FSD1L: variants seen among roughly 807,000 people sequenced by gnomAD.
FSD1L encodes fibronectin type III and SPRY domain containing 1 like.
Under a neutral mutation model 71.6 loss-of-function variants are expected in FSD1L, and 45 were observed. The ratio of observed to expected loss-of-function variants is 0.63; its 90% CI spans 0.49 to 0.81. FSD1L has a LOEUF of 0.81. Ranked by LOEUF, FSD1L falls within the 30% of genes least tolerant of loss-of-function variation. The probability of loss-of-function intolerance (pLI) is 0.00; values close to 1 mark genes in which losing one functional copy is unlikely to be tolerated. For missense variants in FSD1L, 561 were observed against 618.1 expected (o/e 0.91, Z 0.98); for synonymous variants, 197 against 207.2 (o/e 0.95, Z 0.42).
intron 1 of FSD1L, among the ~76,000 whole-genome samples, chr9:105,448,510 T>G (rs2131548092): frequency 6.6e-6 from 1 of 152,334 alleles, no homozygotes; most frequent in South Asian, 2.1e-4. Flanking sequence ...GCCATCCCCC[T>G]TTTAAAATCA....
At chr9:105,486,993 A>G (rs559274073) in intron 7 of FSD1L, among the ~76,000 whole-genome samples, 7 of 152,128 alleles carry the variant, frequency 4.6e-5, no homozygotes, top group African/African-American at 1.4e-4. Flanking sequence ...ATGTGATTAA[A>G]CCTAACATAT....
At chr9:105,446,142 T>A (rs1046278664), upstream of FSD1L, among the ~76,000 whole-genome samples, 1 of 151,980 alleles carries the variant, frequency 6.6e-6, no homozygotes, top group East Asian at 1.9e-4. Flanking sequence ...GGGATCCATG[T>A]GGAGATGTAA....
chr9:105,473,939 G>A (rs1831632230), intron 5 of FSD1L, among the ~76,000 whole-genome samples: 1 of 152,130 alleles, frequency 6.6e-6, no homozygotes, highest in Non-Finnish European at 1.5e-5. Context: ...GGTTTAATAT[G>A]CCACTTCGCT....
intron 11 of FSD1L, 143 bp from the exon 12 acceptor site, chr9:105,534,924 T>C: frequency 2.7e-6 from 2 of 741,576 alleles, no homozygotes; most frequent in East Asian, 2.7e-5. Flanking sequence ...CAGCATTTAA[T>C]GTCTGTGTGT....
At chr9:105,489,377 A>C (rs1832768617) in intron 7 of FSD1L, among the ~76,000 whole-genome samples, 1 of 152,202 alleles carries the variant, frequency 6.6e-6, no homozygotes, top group East Asian at 1.9e-4. Context: ...CAGCATGCAT[A>C]TCTCAAATAA....
At chr9:105,455,298 G>T (rs1160423500) in intron 1 of FSD1L, among the ~76,000 whole-genome samples, 1 of 152,090 alleles carries the variant, frequency 6.6e-6, no homozygotes, top group Admixed American at 6.5e-5. Context: ...TCTCTCCCTT[G>T]TATGTAATCC....
chr9:105,534,458 A>G (rs1469957664), intron 10 of FSD1L, 35 bp from the exon 11 acceptor site: 5 of 1,139,424 alleles, frequency 4.4e-6, no homozygotes, highest in East Asian at 2.6e-5. Context: ...ACAGTATAAA[A>G]TATTTGTTTT....
At chr9:105,506,858 G>A (rs1039288188) in intron 8 of FSD1L, among the ~76,000 whole-genome samples, 1 of 150,660 alleles carries the variant, frequency 6.6e-6, no homozygotes, top group Admixed American at 6.6e-5. Flanking sequence ...TGCAACCTCC[G>A]CCTCCTGGGT....
At chr9:105,464,919 G>T (rs1376311733) in intron 3 of FSD1L, among the ~76,000 whole-genome samples, 5 of 152,198 alleles carry the variant, frequency 3.3e-5, no homozygotes, top group African/African-American at 9.7e-5. Flanking sequence ...CGTCGAGGCT[G>T]CAGTGAGCAT....
intron 5 of FSD1L, among the ~76,000 whole-genome samples, chr9:105,474,183 C>G (rs1180819437): frequency 6.6e-6 from 1 of 152,196 alleles, no homozygotes; most frequent in Non-Finnish European, 1.5e-5. Context: ...TCTGTTGCTT[C>G]TATGCTGCAA....
At chr9:105,539,494 T>G in intron 13 of FSD1L, 143 bp downstream of exon 13, 1 of 430,154 alleles carries the variant, frequency 2.3e-6, no homozygotes, top group Non-Finnish European at 4.1e-6. Flanking sequence ...CAATTCACCC[T>G]CTCCCAAATC....
intron 10 of FSD1L, chr9:105,523,420 G>C: frequency 6.2e-7 from 1 of 1,604,732 alleles, no homozygotes; most frequent in Non-Finnish European, 8.5e-7. Flanking sequence ...CTGACTGGAT[G>C]GCATGCTGAT....
In FSD1L at chr9:105,523,316, T is replaced by G. The variant is rs974506942; in HGVS notation, c.1025+10380T>G. ...TGGAACAGAAGGATCTGCAGCTCGA[T>G]GAGAAGCTCCACCACGCTGTTCTTC... On this transcript the variant is annotated intron_variant, in intron 10 of 13. Transcript: ENST00000481272. 5.3e-5 allele frequency: 84 copies of G among 1,591,080 alleles called. No individual in the cohort carries two copies. In the African/African-American group the frequency reaches 1.0e-3, roughly 19 times the overall value.
chr9:105,480,774 T>C (rs193222505), intron 6 of FSD1L, among the ~76,000 whole-genome samples: 3 of 152,268 alleles, frequency 2.0e-5, no homozygotes, highest in Admixed American at 6.5e-5. Context: ...TTGGGTTGTG[T>C]CTGGAAATTG....
At chr9:105,459,088 T>A (rs2812306) in intron 1 of FSD1L, among the ~76,000 whole-genome samples, 37,004 of 152,154 alleles carry the variant, frequency 0.24, 4,976 homozygotes, top group Non-Finnish European at 0.31. Context: ...GTTCAGCCAG[T>A]CTCCCCTTGT....
intron 13 of FSD1L, among the ~76,000 whole-genome samples, chr9:105,544,155 G>A (rs895312187): frequency 1.2e-4 from 18 of 152,208 alleles, no homozygotes; most frequent in Non-Finnish European, 2.4e-4. Context: ...TCTCATTGTA[G>A]TTTTGATTTA....
chr9:105,448,597 G>C (rs1017811550), intron 1 of FSD1L, among the ~76,000 whole-genome samples: 8 of 142,896 alleles, frequency 5.6e-5, no homozygotes, highest in Admixed American at 1.4e-4. Context: ...TCCCTCCTCA[G>C]CAGGTGAGGA....
At position 105,498,190 on chromosome 9, in the gene FSD1L, T is replaced by TTTATTATTATTATTA. The variant is rs61620098; in HGVS notation, c.587-8188_587-8174dup. ...TTATTTCTTTTCTGCTTGCTTTGGC[T>TTTATTATTATTATTA]TTATTATTATTATTATTATTATTAT... On this transcript the variant is annotated intron_variant, in intron 7 of 13. Transcript: ENST00000481272. 8.8e-3 allele frequency among the ~76,000 whole-genome samples: 1,259 copies of TTTATTATTATTATTA among 143,414 alleles called. 8 individuals carry two copies. The highest frequency in any genetic ancestry group is 0.012 in the Admixed American group (171 of 14,144). The allele number at this position is 143,414 out of a possible 152,430, so 94.1% of individuals were successfully genotyped here.
At chr9:105,510,855 TTAAA>T (rs1834350631) in intron 9 of FSD1L, among the ~76,000 whole-genome samples, 1 of 152,156 alleles carries the variant, frequency 6.6e-6, no homozygotes, top group African/African-American at 2.4e-5. Flanking sequence ...CTCGCACAAG[TTAAA>T]CATATGAAAC....
Sources: allele counts gnomAD v4.1 joint callset (sites outside exome capture counted in the v4.1 genomes callset), GRCh38; gene constraint gnomAD v4.1.1; transcripts MANE v1.5; gene names NCBI Gene and HGNC (gene_info 2026-07-23, HGNC 2026-07-21).